Variants in SCN10A observed in about 807,000 individuals in gnomAD.
SCN10A encodes the protein sodium channel protein type 10 subunit alpha.
SCN10A carries 162 observed loss-of-function variants against 170.7 expected under a neutral mutation model. The observed-to-expected ratio is 0.95, with a 90% confidence interval of 0.84 to 1.08. The LOEUF (loss-of-function observed/expected upper bound fraction) is 1.08. Among genes scored for constraint, SCN10A ranks in the 50% least tolerant of loss-of-function variants. The pLI, the probability that SCN10A is intolerant of heterozygous loss-of-function variation, is 0.00. For synonymous variants in SCN10A, 985 were observed against 904.6 expected (o/e 1.09, Z -1.59); for missense variants, 2,527 against 2,436.9 (o/e 1.04, Z -0.78).
rs927476036 is a variant in SCN10A, at chr3:38,698,190, T to C, written c.5030A>G (p.Tyr1677Cys). 2 of 1,614,102 alleles carry C rather than the reference T, an allele frequency of 1.2e-6. No individual in the cohort carries two copies. Among genetic ancestry groups the C allele is most frequent in the Non-Finnish European group, 1.7e-6 (2 of 1,180,004 alleles). ...GCTGTTGGGCAGATTGGGGTCACAG[T>C]AGGGGGGCCCTGTGTTGAGGATGGG... ...LSPILNTGPP[Y>C]CDPNLPNSNG... Residue 1677 changes from tyrosine to cysteine, a missense_variant, in exon 28 of 28, where the codon TAC (tyrosine) becomes TGC (cysteine). By Grantham distance (194) the Tyr-to-Cys change is radical. Transcript: ENST00000449082.
At chr3:38,749,997 A>T in intron 13 of SCN10A, 76 bp downstream of exon 13, 1 of 788,936 alleles carries the variant, frequency 1.3e-6, no homozygotes, top group Non-Finnish European at 2.2e-6. Context: ...GACACGAGTT[A>T]GAGACATTGC....
At position 38,742,327 on chromosome 3, in the gene SCN10A, G is replaced by A. The variant is rs963169923; in HGVS notation, c.2070C>T (p.Ser690=). Residue 690 remains serine (S), a synonymous_variant, in exon 14 of 28, where the codon AGC becomes AGT. Transcript: ENST00000449082. ...IFMAMEHHGM[S]PTFEAMLQIG... is the part of the protein sequence containing the mutation. Reference sequence around the variant, plus strand: ...TCTGGAGCATGGCTTCGAAGGTAGGGCTCATGCCATGGTGCTCCATGGCCA... The same window carrying A: ...TCTGGAGCATGGCTTCGAAGGTAGGACTCATGCCATGGTGCTCCATGGCCA... 5 of 1,614,034 alleles carry A rather than the reference G, an allele frequency of 3.1e-6. No individual in the cohort carries two copies. The highest frequency in any genetic ancestry group is 4.5e-5 in the East Asian group (2 of 44,866).
At chr3:38,743,817 A>G (rs2063658784) in intron 13 of SCN10A, among the ~76,000 whole-genome samples, 1 of 152,078 alleles carries the variant, frequency 6.6e-6, no homozygotes, top group African/African-American at 2.4e-5. Context: ...TAGCCCTAAA[A>G]AACCATCTCT....
chr3:38,776,604 ATAAT>A (rs1234005666), intron 4 of SCN10A, among the ~76,000 whole-genome samples: 2 of 152,136 alleles, frequency 1.3e-5, no homozygotes, highest in Admixed American at 6.6e-5. Flanking sequence ...TATGAATATA[ATAAT>A]TAATCTTACA....
chr3:38,776,236 C>T (rs1244942390), intron 4 of SCN10A, among the ~76,000 whole-genome samples: 1 of 152,072 alleles, frequency 6.6e-6, no homozygotes, highest in African/African-American at 2.4e-5. Flanking sequence ...CATCCATTAT[C>T]CACTTGTCTC....
chr3:38,716,692 A>T (rs2063337561), intron 21 of SCN10A, among the ~76,000 whole-genome samples: 1 of 152,248 alleles, frequency 6.6e-6, no homozygotes, highest in Non-Finnish European at 1.5e-5. Context: ...GAATGGAAGG[A>T]TGGGAGAAAC....
In SCN10A at chr3:38,718,700, T is replaced by A; in HGVS notation, c.3634A>T (p.Lys1212Ter). ...LLKWVAYGFKKYFTNAWCWLD... is the reference protein window; with the variant it reads ...LLKWVAYGFK ...CAGCACCAGGCATTGGTGAAGTACT[T>A]TTTGAAGCCATAGGCCACCCACTTA... Residue 1212 changes from lysine (K) to a stop codon, truncating the protein, a stop_gained, in exon 21 of 28, where the codon AAG becomes TAG. Coordinates refer to ENST00000449082, the MANE Select transcript of SCN10A (RefSeq NM_006514.4). LOFTEE classifies it high-confidence loss of function. The A allele has an allele frequency of 6.2e-7, 1 of 1,614,204 alleles. No individual in the cohort carries two copies.
chr3:38,791,917 A>T, intron 3 of SCN10A, 133 bp downstream of exon 3: 4 of 1,220,196 alleles, frequency 3.3e-6, no homozygotes, highest in Admixed American at 4.7e-5. Flanking sequence ...CCATTTTTTC[A>T]ATCTAATGAC....
chr3:38,779,231 T>A (rs2064110154), intron 4 of SCN10A, among the ~76,000 whole-genome samples: 1 of 152,108 alleles, frequency 6.6e-6, no homozygotes, highest in Non-Finnish European at 1.5e-5. Context: ...GGAAAATAGT[T>A]AAATAAACTT....
rs79171423 is a variant in SCN10A at position 38,764,381 on chromosome 3, T to C, written c.600-785A>G. 5.9e-5 allele frequency among the ~76,000 whole-genome samples: 9 copies of C among 152,114 alleles called. No individual in the cohort carries two copies. The East Asian group carries it at 7.8e-4, about 13-fold the overall frequency. On this transcript the variant is annotated intron_variant, in intron 5 of 27. Coordinates refer to ENST00000449082, the MANE Select transcript of SCN10A (RefSeq NM_006514.4). Reference sequence around the variant, plus strand: ...TCCCTTACCTTCGTCTCACCTTTCCTCCCAAGTCCCCAAAGTCCATTATGT... The same window carrying C: ...TCCCTTACCTTCGTCTCACCTTTCCCCCCAAGTCCCCAAAGTCCATTATGT...
Position 38,757,063 on chromosome 3 carries a change from C to G in SCN10A, c.1047G>C (p.Leu349=), listed in dbSNP as rs999932806. The part of the protein sequence containing the change: ...FDSFAWAFLS[L]FRLMTQDSWE... The stretch of plus-strand genomic sequence containing the variant: ...AGGAATCCTGTGTCATGAGGCGGAA[C>G]AGTGAGAGGAAAGCCCAAGCAAAGG... Residue 349 remains leucine, a synonymous_variant, in exon 9 of 28, where the codon CTG becomes CTC. Transcript: ENST00000449082. The G allele has an allele frequency of 6.2e-7, 1 of 1,613,644 alleles. No individual in the cohort carries two copies. The highest frequency in any genetic ancestry group is 1.7e-5 in the Admixed American group (1 of 59,944).
intron 13 of SCN10A, 28 bp from the exon 14 acceptor site, chr3:38,742,557 T>A (rs2063645382): frequency 6.3e-7 from 1 of 1,576,202 alleles, no homozygotes; most frequent in African/African-American, 1.3e-5. Context: ...CAATGACAGC[T>A]GTCAGCCATG....
intron 27 of SCN10A, among the ~76,000 whole-genome samples, chr3:38,700,383 G>C (rs2063144003): frequency 6.6e-6 from 1 of 152,184 alleles, no homozygotes; most frequent in African/African-American, 2.4e-5. Context: ...AGTCCCTATA[G>C]TTAGCAATAC....
Position 38,712,215 on chromosome 3 carries a change from A to C in SCN10A, c.4035T>G (p.Asn1345Lys). 1 of 1,614,234 alleles carries C rather than the reference A, an allele frequency of 6.2e-7. No individual in the cohort carries two copies. Among genetic ancestry groups the C allele is most frequent in the Non-Finnish European group, 8.5e-7 (1 of 1,180,028 alleles). Reference sequence around the variant, plus strand: ...CAACATTATCAAAGTTGACTTTCACATTGACCCAGAAGAAGCTGCCAGTGG... The same window carrying C: ...CAACATTATCAAAGTTGACTTTCACCTTGACCCAGAAGAAGCTGCCAGTGG... ...QNSTGSFFWV[N>K]VKVNFDNVAM... The change falls in exon 23 of 28, where the codon AAT becomes AAG. Residue 1345 changes from asparagine to lysine, a missense_variant. Asn to Lys is a moderately conservative substitution (Grantham distance 94, BLOSUM62 0). Coordinates refer to ENST00000449082, the MANE Select transcript of SCN10A (RefSeq NM_006514.4).
At chr3:38,738,184 G>T (rs1047858538) in intron 15 of SCN10A, among the ~76,000 whole-genome samples, 1 of 151,770 alleles carries the variant, frequency 6.6e-6, no homozygotes, top group Non-Finnish European at 1.5e-5. Context: ...TGCCTGCCTC[G>T]GCCTCCCAAA....
intron 8 of SCN10A, among the ~76,000 whole-genome samples, chr3:38,758,408 A>G (rs960776974): frequency 5.3e-5 from 8 of 152,218 alleles, no homozygotes; most frequent in African/African-American, 1.9e-4. Flanking sequence ...TGCTCTGAGG[A>G]TTAAATGAGA....
intron 1 of SCN10A, among the ~76,000 whole-genome samples, chr3:38,812,110 G>C (rs1397895803): frequency 6.6e-6 from 1 of 152,186 alleles, no homozygotes; most frequent in African/African-American, 2.4e-5. Flanking sequence ...AAGGCAGCCA[G>C]CGCTTTTAAA....
At chr3:38,711,408 C>T (rs954094681) in intron 23 of SCN10A, among the ~76,000 whole-genome samples, 2 of 152,202 alleles carry the variant, frequency 1.3e-5, no homozygotes, top group Non-Finnish European at 2.9e-5. Flanking sequence ...TGCAAGACAT[C>T]TTAGTTCTTA....
chr3:38,789,823 T>C (rs2064257360), intron 3 of SCN10A, among the ~76,000 whole-genome samples: 1 of 151,934 alleles, frequency 6.6e-6, no homozygotes. Context: ...AGGGAAGAAA[T>C]GTTGGTGGGG....
Sources: allele counts gnomAD v4.1 joint callset (sites outside exome capture counted in the v4.1 genomes callset), GRCh38; gene constraint gnomAD v4.1.1; transcripts MANE v1.5; gene names NCBI Gene and HGNC (gene_info 2026-07-23, HGNC 2026-07-21).